ADAM10: variants seen among roughly 807,000 people sequenced by gnomAD.
The protein encoded by ADAM10 is ADAM metallopeptidase domain 10.
ADAM10 carries 17 observed loss-of-function variants against 90.1 expected under a neutral mutation model. The observed-to-expected ratio is 0.19, with a 90% CI of 0.13 to 0.28. The LOEUF (loss-of-function observed/expected upper bound fraction) is 0.28. Ranked by LOEUF, ADAM10 falls within the 10% of genes least tolerant of loss-of-function variation. The probability of loss-of-function intolerance (pLI) is 1.00; values close to 1 mark genes in which losing one functional copy is unlikely to be tolerated. For missense variants in ADAM10, 610 were observed against 914.3 expected (o/e 0.67, Z 4.29); for synonymous variants, 310 against 298.6 (o/e 1.04, Z -0.40).
chr15:58,700,801 G>C (rs986483471), intron 2 of ADAM10, among the ~76,000 whole-genome samples: 3 of 152,076 alleles, frequency 2.0e-5, no homozygotes, highest in Non-Finnish European at 4.4e-5. Context: ...TATCACTTGA[G>C]GCTAGGAGTT....
At chr15:58,611,248 T>A in intron 12 of ADAM10, 141 bp from the exon 13 acceptor site, 1 of 680,574 alleles carries the variant, frequency 1.5e-6, no homozygotes, top group East Asian at 2.7e-5. Context: ...GAGATGAGTA[T>A]CAAAACTGAA....
At chr15:58,639,508 T>C (rs545009778) in intron 8 of ADAM10, among the ~76,000 whole-genome samples, 10 of 152,302 alleles carry the variant, frequency 6.6e-5, no homozygotes, top group Admixed American at 2.0e-4. Context: ...TTTCAGAGTA[T>C]GAAAGTTTCG....
intron 9 of ADAM10, among the ~76,000 whole-genome samples, chr15:58,632,994 C>CTGT (rs1896144816): frequency 6.6e-6 from 1 of 152,190 alleles, no homozygotes; most frequent in Non-Finnish European, 1.5e-5. Flanking sequence ...AATTCTAGCA[C>CTGT]TGTTATGCTT....
chr15:58,664,366 C>G (rs1897032011), intron 5 of ADAM10, among the ~76,000 whole-genome samples: 1 of 152,058 alleles, frequency 6.6e-6, no homozygotes, highest in African/African-American at 2.4e-5. Context: ...TCCACAGTCT[C>G]TGACATATGG....
chr15:58,647,813 G>A (rs374515046), intron 5 of ADAM10, among the ~76,000 whole-genome samples: 9 of 152,192 alleles, frequency 5.9e-5, no homozygotes, highest in South Asian at 2.1e-4. Flanking sequence ...TCAGCTTCCC[G>A]AAGTACTGGG....
At chr15:58,610,588 G>C in intron 13 of ADAM10, 71 bp from the exon 14 acceptor site, 1 of 1,469,164 alleles carries the variant, frequency 6.8e-7, no homozygotes. Context: ...ATTTCCAGTT[G>C]TGCAAATACA....
At chr15:58,700,641 A>T (rs1415427051) in intron 2 of ADAM10, among the ~76,000 whole-genome samples, 1 of 152,216 alleles carries the variant, frequency 6.6e-6, no homozygotes. Flanking sequence ...AAAGATTTCA[A>T]ATAAACAATA....
chr15:58,691,466 C>A, intron 2 of ADAM10: 1 of 641,818 alleles, frequency 1.6e-6, no homozygotes. Context: ...TCTGTGCCTC[C>A]TTCATGCAAG....
intron 1 of ADAM10, chr15:58,748,160 A>G: frequency 6.6e-6 from 1 of 152,268 alleles, no homozygotes; most frequent in East Asian, 1.9e-4. Flanking sequence ...AAAACGTGTA[A>G]CAAAAAAATG....
intron 14 of ADAM10, among the ~76,000 whole-genome samples, chr15:58,607,170 T>C (rs1222673242): frequency 6.6e-6 from 1 of 152,262 alleles, no homozygotes; most frequent in African/African-American, 2.4e-5. Flanking sequence ...ACCCCTGTTC[T>C]AGATGAGTGG....
rs554055784 is a variant in ADAM10, at chr15:58,651,436, T to A, written c.586-5232A>T. ...TACTCATTGCACCCTCTGGTAACCATCCTTCTACTCTCTATCTCCATGAGT... is the reference window on the plus strand; with the variant it reads ...TACTCATTGCACCCTCTGGTAACCAACCTTCTACTCTCTATCTCCATGAGT... On this transcript the variant is annotated intron_variant, in intron 5 of 15. Coordinates refer to ENST00000260408, the MANE Select transcript of ADAM10 (RefSeq NM_001110.4). 2.0e-5 allele frequency among the ~76,000 whole-genome samples: 3 copies of A among 152,316 alleles called. No homozygotes were observed. The South Asian group carries it at 6.2e-4, about 32-fold the overall frequency.
chr15:58,611,066 C>T lies in ADAM10; in HGVS notation c.1737G>A (p.Glu579=), dbSNP rs780274453. ...GSICEKYGLE[E]CTCASSDGKD... ...TGCCATCAGAACTGGCACACGTACA[C>T]TCCTCTAAGCCATATTTCTCACAGA... The change falls in exon 13 of 16, where the codon GAG becomes GAA. Residue 579 remains glutamate (E), a synonymous_variant. Transcript: ENST00000260408. The T allele has an allele frequency of 8.1e-6, 13 of 1,613,836 alleles. No homozygotes were observed. The Admixed American group carries it at 1.3e-4, about 17-fold the overall frequency.
In ADAM10 at chr15:58,633,316, A is replaced by G. The variant is rs1187153349; in HGVS notation, c.1056T>C (p.Asp352=). 2 of 1,613,702 alleles carry G rather than the reference A, an allele frequency of 1.2e-6. No homozygotes were observed. Among genetic ancestry groups the G allele is most frequent in the East Asian group, 2.2e-5 (1 of 44,790 alleles). ...GICEKSKLYS[D]GKKKSLNTGI... ...CAGTGTTTAAGGACTTCTTCTTACC[A>G]TCTGAATAGAGTTTACTTTTTTCAC... The change falls in exon 9 of 16, where the codon GAT becomes GAC. Residue 352 remains aspartate, a synonymous_variant. Coordinates refer to ENST00000260408, the MANE Select transcript of ADAM10 (RefSeq NM_001110.4).
At chr15:58,687,864 G>A (rs1486744226) in intron 2 of ADAM10, among the ~76,000 whole-genome samples, 1 of 152,156 alleles carries the variant, frequency 6.6e-6, no homozygotes. Context: ...TTATGGAGAT[G>A]GAGAACCAAT....
intron 12 of ADAM10, chr15:58,611,525 C>A (rs763882412): frequency 8.4e-6 from 3 of 356,064 alleles, no homozygotes; most frequent in Non-Finnish European, 1.0e-5. Context: ...ATTTAGGCTA[C>A]TGAAATATTA....
intron 5 of ADAM10, among the ~76,000 whole-genome samples, chr15:58,657,045 G>A (rs1198185473): frequency 6.6e-6 from 1 of 152,072 alleles, no homozygotes; most frequent in Non-Finnish European, 1.5e-5. Flanking sequence ...AATTTCTATT[G>A]AAAAGTCTTC....
Position 58,612,009 on chromosome 15 carries a change from T to C in ADAM10, c.1512-18A>G. On this transcript the variant is annotated intron_variant, in intron 11 of 15. Transcript: ENST00000260408. ...GACTTGGACTAGAGGAAACATTAAG[T>C]GATTAAACAAAGTAAATCACTAGTT... is the stretch of plus-strand genomic sequence containing the variant. 1 of 1,610,714 alleles carries C rather than the reference T, an allele frequency of 6.2e-7. No individual in the cohort carries two copies. The highest frequency in any genetic ancestry group is 8.5e-7 in the Non-Finnish European group (1 of 1,177,036).
chr15:58,705,950 GT>G, intron 2 of ADAM10, among the ~76,000 whole-genome samples: 1 of 152,238 alleles, frequency 6.6e-6, no homozygotes, highest in Non-Finnish European at 1.5e-5. Context: ...TTTATCATAG[GT>G]ATTTATGTAA....
chr15:58,678,760 T>C (rs113693577), intron 4 of ADAM10, among the ~76,000 whole-genome samples: 10 of 152,326 alleles, frequency 6.6e-5, no homozygotes, highest in African/African-American at 1.7e-4. Flanking sequence ...CACTGAAATT[T>C]ATGTAAGTAG....
Sources: gnomAD v4.1 joint callset for allele counts (sites outside exome capture counted in the v4.1 genomes callset) on GRCh38, gnomAD v4.1.1 for gene constraint, MANE v1.5 for transcripts, NCBI Gene and HGNC (gene_info 2026-07-23, HGNC 2026-07-21) for gene names.